Variants in STXBP5L observed in about 807,000 individuals in gnomAD.
STXBP5L encodes the protein syntaxin binding protein 5L, also known as syntaxin-binding protein 5-like.
Under a neutral mutation model 144.5 loss-of-function variants are expected in STXBP5L, and 65 were observed. The observed-to-expected ratio is 0.45, with a 90% confidence interval of 0.37 to 0.55. The LOEUF (loss-of-function observed/expected upper bound fraction) is 0.55. STXBP5L is among the 20% of genes least tolerant of loss of function. STXBP5L has a pLI of 0.00. For missense variants in STXBP5L, 1,298 were observed against 1,405.5 expected (o/e 0.92, Z 1.22); for synonymous variants, 505 against 469.6 (o/e 1.08, Z -0.97).
chr3:121,315,459 G>C (rs981827566), intron 19 of STXBP5L, among the ~76,000 whole-genome samples: 4 of 144,688 alleles, frequency 2.8e-5, no homozygotes, highest in African/African-American at 1.0e-4. Context: ...CACAGGAAGG[G>C]GAACATCACA....
At position 121,152,507 on chromosome 3, in the gene STXBP5L, G is replaced by A. The variant is rs1192287866; in HGVS notation, c.700G>A (p.Val234Ile). The change falls in exon 8 of 27, where the codon GTA becomes ATA. Residue 234 changes from valine (V) to isoleucine (I), a missense_variant. By Grantham distance (29) the Val-to-Ile change is conservative. Coordinates refer to ENST00000471454, the MANE Select transcript of STXBP5L (RefSeq NM_001308330.2). ...LLIGYENGTV[V>I]FWDLKSKRAE... ...AATAGGTTATGAAAATGGTACTGTA[G>A]TATTCTGGGACTTGAAATCTAAAAG... 1 of 1,609,566 alleles carries A rather than the reference G, an allele frequency of 6.2e-7. No individual in the cohort carries two copies. Among genetic ancestry groups the A allele is most frequent in the East Asian group, 2.2e-5 (1 of 44,716 alleles).
At chr3:121,060,344 CT>C (rs2041207675) in intron 5 of STXBP5L, among the ~76,000 whole-genome samples, 2 of 152,090 alleles carry the variant, frequency 1.3e-5, no homozygotes, top group Non-Finnish European at 2.9e-5. Flanking sequence ...GGTGGATAAG[CT>C]TTTTGATGTG....
intron 9 of STXBP5L, among the ~76,000 whole-genome samples, chr3:121,177,328 G>A (rs1447934309): frequency 6.6e-6 from 1 of 152,084 alleles, no homozygotes; most frequent in East Asian, 1.9e-4. Context: ...ACAACTCACT[G>A]AGTGGGGAAA....
At chr3:120,992,064 T>C (rs1333702726) in intron 3 of STXBP5L, among the ~76,000 whole-genome samples, 1 of 152,216 alleles carries the variant, frequency 6.6e-6, no homozygotes, top group Non-Finnish European at 1.5e-5. Context: ...GTCATTGTAT[T>C]TGAAATGATT....
chr3:121,179,050 G>A (rs1174936065), intron 9 of STXBP5L, among the ~76,000 whole-genome samples: 1 of 152,138 alleles, frequency 6.6e-6, no homozygotes, highest in Non-Finnish European at 1.5e-5. Context: ...CCTGAAAGCT[G>A]TGCTTGCTTT....
chr3:121,253,676 T>G (rs1236506815), intron 15 of STXBP5L, among the ~76,000 whole-genome samples: 1 of 150,614 alleles, frequency 6.6e-6, no homozygotes. Context: ...CTGCCCAAGC[T>G]GGAGTGCAGT....
chr3:121,352,043 A>T (rs561993551), intron 20 of STXBP5L, among the ~76,000 whole-genome samples: 3 of 152,122 alleles, frequency 2.0e-5, no homozygotes, highest in Admixed American at 6.5e-5. Flanking sequence ...ATTGGTCTAT[A>T]TCTCTGTTTT....
At chr3:121,333,333 C>T (rs1306601427) in intron 20 of STXBP5L, among the ~76,000 whole-genome samples, 2 of 151,880 alleles carry the variant, frequency 1.3e-5, no homozygotes, top group Non-Finnish European at 2.9e-5. Flanking sequence ...CAAATGAAAA[C>T]AAAGATACAA....
chr3:120,982,202 T>G (rs1941845425), intron 3 of STXBP5L, among the ~76,000 whole-genome samples: 1 of 152,108 alleles, frequency 6.6e-6, no homozygotes, highest in East Asian at 1.9e-4. Flanking sequence ...ATGGGCTTGA[T>G]CTTTGTTTAC....
intron 3 of STXBP5L, among the ~76,000 whole-genome samples, chr3:121,012,567 TC>T (rs1324737236): frequency 6.6e-6 from 1 of 151,898 alleles, no homozygotes; most frequent in African/African-American, 2.4e-5. Context: ...GATAGGCATG[TC>T]CCTGGACTAA....
At chr3:121,349,162 T>G (rs1400455896) in intron 20 of STXBP5L, among the ~76,000 whole-genome samples, 1 of 152,154 alleles carries the variant, frequency 6.6e-6, no homozygotes, top group East Asian at 1.9e-4. Flanking sequence ...GTTGTGTCTT[T>G]GTTCTCATTG....
chr3:121,172,365 C>T (rs1482365871), intron 9 of STXBP5L, among the ~76,000 whole-genome samples: 1 of 152,136 alleles, frequency 6.6e-6, no homozygotes, highest in African/African-American at 2.4e-5. Flanking sequence ...GGCTTCTGCA[C>T]ATCAAAAGAA....
intron 3 of STXBP5L, among the ~76,000 whole-genome samples, chr3:121,036,601 T>G (rs890614197): frequency 1.4e-4 from 22 of 152,116 alleles, no homozygotes; most frequent in Non-Finnish European, 2.8e-4. Context: ...CTGTTAAGAA[T>G]AATGTACAAA....
intron 22 of STXBP5L, among the ~76,000 whole-genome samples, chr3:121,387,678 T>A (rs555839390): frequency 7.4e-4 from 113 of 152,378 alleles, no homozygotes; most frequent in African/African-American, 2.6e-3. Context: ...TCCCCATTTC[T>A]TGTTTTTGTC....
intron 5 of STXBP5L, among the ~76,000 whole-genome samples, chr3:121,046,014 C>T (rs1298687104): frequency 6.6e-6 from 1 of 152,092 alleles, no homozygotes; most frequent in Non-Finnish European, 1.5e-5. Flanking sequence ...TCATAGATGG[C>T]TCTTCTTATT....
chr3:120,922,516 G>A (rs1346799025), intron 2 of STXBP5L, among the ~76,000 whole-genome samples: 2 of 151,982 alleles, frequency 1.3e-5, no homozygotes, highest in Non-Finnish European at 2.9e-5. Context: ...TAAAAGTGGT[G>A]AAAGTGGGCA....
chr3:121,012,936 G>C (rs1390004086), intron 3 of STXBP5L, among the ~76,000 whole-genome samples: 1 of 151,926 alleles, frequency 6.6e-6, no homozygotes, highest in East Asian at 1.9e-4. Flanking sequence ...CAAGTGAGAA[G>C]ATGCAGTATT....
intron 20 of STXBP5L, among the ~76,000 whole-genome samples, chr3:121,362,377 G>A (rs1417308301): frequency 1.3e-5 from 2 of 152,194 alleles, no homozygotes; most frequent in South Asian, 2.1e-4. Context: ...TTCAAGGGTG[G>A]CAAGGCCCCC....
intron 5 of STXBP5L, among the ~76,000 whole-genome samples, chr3:121,049,086 G>T (rs1001369812): frequency 3.3e-5 from 5 of 152,104 alleles, no homozygotes; most frequent in African/African-American, 1.2e-4. Flanking sequence ...GCCTAGGTAG[G>T]GGGTGGCTAG....
Sources: allele counts gnomAD v4.1 joint callset (sites outside exome capture counted in the v4.1 genomes callset), GRCh38; gene constraint gnomAD v4.1.1; transcripts MANE v1.5; gene names NCBI Gene and HGNC (gene_info 2026-07-23, HGNC 2026-07-21).